Variants in FARP1 observed in about 807,000 individuals in gnomAD.
The protein encoded by FARP1 is FERM, ARHGEF and pleckstrin domain-containing protein 1.
Under a neutral mutation model 128.8 loss-of-function variants are expected in FARP1, and 52 were observed. The observed-to-expected ratio is 0.40, with a 90% CI of 0.32 to 0.51. FARP1 has a LOEUF of 0.51. Ranked by LOEUF, FARP1 falls within the 20% of genes least tolerant of loss-of-function variation. The probability of loss-of-function intolerance (pLI) is 0.45; values close to 1 mark genes in which losing one functional copy is unlikely to be tolerated. For missense variants in FARP1, 1,333 were observed against 1,367.9 expected (o/e 0.97, Z 0.40); for synonymous variants, 580 against 551.8 (o/e 1.05, Z -0.72).
chr13:98,225,756 A>C (rs1881722758), intron 2 of FARP1, among the ~76,000 whole-genome samples: 1 of 152,206 alleles, frequency 6.6e-6, no homozygotes. Context: ...GGGTAGGTAC[A>C]AGTTGCCTTG....
At chr13:98,400,659 A>T (rs61137796) in intron 13 of FARP1, 129 of 152,362 alleles carry the variant, frequency 8.5e-4, no homozygotes, top group African/African-American at 3.1e-3. Context: ...TATTCTGATT[A>T]GCTAGATTTT....
At chr13:98,253,661 T>A (rs1883455129) in intron 2 of FARP1, among the ~76,000 whole-genome samples, 1 of 152,164 alleles carries the variant, frequency 6.6e-6, no homozygotes, top group Non-Finnish European at 1.5e-5. Flanking sequence ...TTTGCTGCGT[T>A]CATCCAAGGT....
chr13:98,183,146 C>T (rs1339171247), intron 1 of FARP1, among the ~76,000 whole-genome samples: 3 of 152,146 alleles, frequency 2.0e-5, no homozygotes, highest in Non-Finnish European at 2.9e-5. Flanking sequence ...TTCTTATTAT[C>T]ATTTGTGTAT....
At position 98,417,401 on chromosome 13, in the gene FARP1, G is replaced by T. The variant is rs1364751202; in HGVS notation, c.1826+5367G>T. Among the ~76,000 whole-genome samples, 5 of 131,616 alleles carry T rather than the reference G, an allele frequency of 3.8e-5. No individual in the cohort carries two copies. In the South Asian group the frequency reaches 1.3e-3, roughly 35 times the overall value. The allele number at this position is 131,616 out of a possible 152,430, so 86.3% of individuals were successfully genotyped here. A position where few individuals can be genotyped will look rare whatever the true frequency, so the allele number is the denominator to read the frequency against. On this transcript the variant is annotated intron_variant, in intron 16 of 26. Transcript: ENST00000319562. ...TTATGGCAGCTTGCTTTCCATAAACGTAGATCATGGCAGCATAAAAACCAG... is the reference window on the plus strand; with the variant it reads ...TTATGGCAGCTTGCTTTCCATAAACTTAGATCATGGCAGCATAAAAACCAG...
At chr13:98,339,613 C>T (rs543660657) in intron 2 of FARP1, among the ~76,000 whole-genome samples, 1 of 152,288 alleles carries the variant, frequency 6.6e-6, no homozygotes, top group East Asian at 1.9e-4. Context: ...CCAGTATTCA[C>T]AGGGGAATTT....
chr13:98,211,843 T>C (rs1356278130), intron 1 of FARP1, among the ~76,000 whole-genome samples: 6 of 152,316 alleles, frequency 3.9e-5, no homozygotes, highest in African/African-American at 1.4e-4. Flanking sequence ...AGTGGTCCAG[T>C]CGTTAAGCAG....
intron 18 of FARP1, chr13:98,432,018 C>T (rs1480190536): frequency 6.6e-6 from 1 of 152,198 alleles, no homozygotes; most frequent in Non-Finnish European, 1.5e-5. Flanking sequence ...GTAATGTGCC[C>T]ATCAGCATAA....
At chr13:98,416,561 C>CA (rs1255313099) in intron 16 of FARP1, among the ~76,000 whole-genome samples, 3 of 152,188 alleles carry the variant, frequency 2.0e-5, no homozygotes, top group Non-Finnish European at 2.9e-5. Context: ...CTGCTTTCTT[C>CA]AAAAACAAGG....
chr13:98,336,362 A>T (rs1887743158), intron 2 of FARP1, among the ~76,000 whole-genome samples: 1 of 151,850 alleles, frequency 6.6e-6, no homozygotes, highest in Non-Finnish European at 1.5e-5. Context: ...TGAACCCGGG[A>T]GGGTTCAAGC....
chr13:98,184,147 C>T (rs1878706252), intron 1 of FARP1, among the ~76,000 whole-genome samples: 1 of 151,998 alleles, frequency 6.6e-6, no homozygotes, highest in African/African-American at 2.4e-5. Context: ...ATGGAGTTTT[C>T]ACTCTTGTTG....
At chr13:98,389,458 G>GA (rs1018596347) in intron 9 of FARP1, 21 of 152,114 alleles carry the variant, frequency 1.4e-4, no homozygotes, top group African/African-American at 3.9e-4. Flanking sequence ...TTGTGCTCCA[G>GA]AAAAAAAAAT....
At chr13:98,401,524 G>C (rs1169451330) in intron 13 of FARP1, 1 of 149,294 alleles carries the variant, frequency 6.7e-6, no homozygotes, top group Non-Finnish European at 1.5e-5. Context: ...TCCTTGAAAA[G>C]GGCAACTTTG....
intron 1 of FARP1, among the ~76,000 whole-genome samples, chr13:98,187,495 G>C (rs914186748): frequency 1.3e-5 from 2 of 152,304 alleles, no homozygotes; most frequent in South Asian, 4.1e-4. Flanking sequence ...AGATGTGGGG[G>C]AGGAGGATCC....
chr13:98,281,751 C>G (rs1269461506), intron 2 of FARP1, among the ~76,000 whole-genome samples: 1 of 152,206 alleles, frequency 6.6e-6, no homozygotes, highest in Non-Finnish European at 1.5e-5. Context: ...CTGTTATGAA[C>G]TGCGAGGCCC....
rs529385189 is a variant in FARP1 at position 98,264,703 on chromosome 13, A to C, written c.171+51290A>C. Reference sequence around the variant, plus strand: ...ATGCATTCTATAGTAAGAATTCTATAGTAAGAATGAATGGTAAGAATACTA... The same window carrying C: ...ATGCATTCTATAGTAAGAATTCTATCGTAAGAATGAATGGTAAGAATACTA... On this transcript the variant is annotated intron_variant, in intron 2 of 26. Coordinates refer to ENST00000319562, the MANE Select transcript of FARP1 (RefSeq NM_005766.4). 2.0e-5 allele frequency among the ~76,000 whole-genome samples: 3 copies of C among 152,382 alleles called. No homozygotes were observed. The South Asian group carries it at 6.2e-4, about 32-fold the overall frequency.
chr13:98,205,454 G>A (rs1302679680), intron 1 of FARP1, among the ~76,000 whole-genome samples: 3 of 151,992 alleles, frequency 2.0e-5, no homozygotes, highest in Non-Finnish European at 4.4e-5. Flanking sequence ...GTACAGTGGC[G>A]TGATCTCGGC....
intron 17 of FARP1, chr13:98,425,375 T>TTTG (rs1304731485): frequency 6.6e-6 from 1 of 151,038 alleles, no homozygotes; most frequent in African/African-American, 2.4e-5. Flanking sequence ...TAGTTTTTTT[T>TTTG]TTTTGTTTGG....
At chr13:98,294,515 G>T (rs1248524908) in intron 2 of FARP1, among the ~76,000 whole-genome samples, 1 of 152,180 alleles carries the variant, frequency 6.6e-6, no homozygotes, top group Non-Finnish European at 1.5e-5. Flanking sequence ...ACACTTGTGA[G>T]GTGAGGACAG....
At position 98,176,043 on chromosome 13, in the gene FARP1, A is replaced by G. The variant is rs182388789; in HGVS notation, c.-24+32551A>G. 2.2e-6 allele frequency: 2 copies of G among 907,392 alleles called. No homozygotes were observed. Among genetic ancestry groups the G allele is most frequent in the East Asian group, 4.8e-5 (2 of 41,252 alleles). 56.2% of individuals were successfully genotyped at this position (907,392 alleles called of 1,614,324 possible). ...ATGGGAGTGCACATACCTCTTTGAG[A>G]TCCGGATTTCAATTCTTTTGGTTAC... On this transcript the variant is annotated intron_variant, in intron 1 of 26. Transcript: ENST00000319562. This position sits in a 1 kb window ranked among gnomAD's most constrained non-coding sequence, Gnocchi z 6.2.
Sources: allele counts gnomAD v4.1 joint callset (sites outside exome capture counted in the v4.1 genomes callset), GRCh38; gene constraint gnomAD v4.1.1; non-coding constraint Gnocchi (gnomAD v3.1); transcripts MANE v1.5; gene names NCBI Gene and HGNC (gene_info 2026-07-23, HGNC 2026-07-21).